CR1: variants seen among roughly 807,000 people sequenced by gnomAD.
CR1 encodes the protein complement receptor type 1.
In CR1, 116 loss-of-function variants were observed where a neutral mutation model predicts 187.3. The ratio of observed to expected loss-of-function variants is 0.62; its 90% CI spans 0.53 to 0.72. CR1 has a LOEUF of 0.72. CR1 is among the 30% of genes least tolerant of loss of function. The probability of loss-of-function intolerance (pLI) is 0.00; values close to 1 mark genes in which losing one functional copy is unlikely to be tolerated. For synonymous variants in CR1, 576 were observed against 747.1 expected (o/e 0.77, Z 3.73); for missense variants, 1,731 against 2,110.7 (o/e 0.82, Z 3.52).
chr1:207,593,986 T>C (rs1369502065), intron 35 of CR1, among the ~76,000 whole-genome samples: 1 of 152,064 alleles, frequency 6.6e-6, no homozygotes, highest in Non-Finnish European at 1.5e-5. Flanking sequence ...GAAATAGAAA[T>C]GCTTTTACAC....
chr1:207,593,457 C>T (rs1419697850), intron 35 of CR1, among the ~76,000 whole-genome samples: 4 of 152,104 alleles, frequency 2.6e-5, no homozygotes, highest in African/African-American at 9.7e-5. Context: ...CAAAAACTAA[C>T]TCAAGATGTA....
intron 1 of CR1, among the ~76,000 whole-genome samples, chr1:207,503,499 A>G (rs1479412904): frequency 6.6e-6 from 1 of 152,074 alleles, no homozygotes; most frequent in Non-Finnish European, 1.5e-5. Context: ...TGCTCTTTCC[A>G]GCTTCCAGGG....
chr1:207,599,100 G>T (rs1428600980), intron 35 of CR1: 1 of 152,210 alleles, frequency 6.6e-6, no homozygotes, highest in African/African-American at 2.4e-5. Flanking sequence ...AGGGAAATTT[G>T]TATTAGGTAA....
In CR1 at chr1:207,584,823, G is replaced by A; in HGVS notation, c.5477G>A (p.Gly1826Glu). The change falls in exon 33 of 47, where the codon GGG (glycine) becomes GAG (glutamate). Residue 1826 changes from glycine to glutamate, a missense_variant. Gly to Glu is a moderately conservative substitution (Grantham distance 98). Around this residue, in one of 5 missense-constraint regions of CR1, gnomAD observed 1,312 missense variants for 1,379.6 expected, o/e 0.95. Coordinates refer to ENST00000367049, the MANE Select transcript of CR1 (RefSeq NM_000651.6). ...ATCCGCTGCACAAGTGACCCTCATG[G>A]GAATGGGGTTTGGAGCAGCCCTGCC... ...STIRCTSDPH[G>E]NGVWSSPAPR... 1.2e-6 allele frequency: 2 copies of A among 1,613,902 alleles called. No individual in the cohort carries two copies. Among genetic ancestry groups the A allele is most frequent in the Non-Finnish European group, 1.7e-6 (2 of 1,179,862 alleles).
rs947565628 is a variant in CR1, at chr1:207,609,487, C to T, written c.6094C>T (p.Pro2032Ser). 7 of 1,613,850 alleles carry T rather than the reference C, an allele frequency of 4.3e-6. No homozygotes were observed. Among genetic ancestry groups the T allele is most frequent in the South Asian group, 2.2e-5 (2 of 91,080 alleles). The change falls in exon 37 of 47, where the codon CCC (proline) becomes TCC (serine). Residue 2032 changes from proline to serine, a missense_variant. Coordinates refer to ENST00000367049, the MANE Select transcript of CR1 (RefSeq NM_000651.6). ...DDQVGVWSSP[P>S]PRCISTNKCT... ...TCAAGTTGGTGTTTGGAGCAGCCCT[C>T]CCCCTCGGTGTATTTCTACTAATAA...
chr1:207,511,482 T>C, intron 3 of CR1, 87 bp from the exon 4 acceptor site: 1 of 1,348,526 alleles, frequency 7.4e-7, no homozygotes, highest in Non-Finnish European at 1.1e-6. Context: ...CTGAATCCTA[T>C]AAGAGTGTAA....
intron 40 of CR1, among the ~76,000 whole-genome samples, chr1:207,615,354 A>G (rs1662061652): frequency 2.6e-5 from 4 of 152,238 alleles, no homozygotes; most frequent in Admixed American, 2.6e-4. Context: ...ATTATAACAT[A>G]TAAAATGGTA....
In CR1 at chr1:207,616,749, G is replaced by A; in HGVS notation, c.6836G>A (p.Gly2279Glu). 4 of 1,613,930 alleles carry A rather than the reference G, an allele frequency of 2.5e-6. No individual in the cohort carries two copies. The highest frequency in any genetic ancestry group is 3.4e-6 in the Non-Finnish European group (4 of 1,179,872). Residue 2279 changes from glycine (G) to glutamate (E), a missense_variant, in exon 41 of 47, where the codon GGG becomes GAG. Gly to Glu is a moderately conservative substitution (Grantham distance 98, BLOSUM62 -2). This residue lies in a region of CR1 where 1,312 missense variants were observed against 1,379.6 expected (regional missense o/e 0.95). Transcript: ENST00000367049. ...SSIRCTSDPQGNGVWSSPAPR... is the reference protein window; with the variant it reads ...SSIRCTSDPQENGVWSSPAPR... ...ATCCGCTGCACAAGTGACCCTCAAG[G>A]GAATGGGGTTTGGAGCAGCCCTGCC...
rs770700783 is a variant in CR1, at chr1:207,580,413, G to T, written c.5110G>T (p.Ala1704Ser). 16 of 1,613,464 alleles carry T rather than the reference G, an allele frequency of 9.9e-6. No homozygotes were observed. Among genetic ancestry groups the T allele is most frequent in the Non-Finnish European group, 1.1e-5 (13 of 1,179,720 alleles). The change falls in exon 30 of 47, where the codon GCA (alanine) becomes TCA (serine). Residue 1704 changes from alanine (A) to serine (S), a missense_variant. Ala to Ser is a moderately conservative substitution (Grantham distance 99, BLOSUM62 1). Around this residue, in one of 5 missense-constraint regions of CR1, gnomAD observed 1,312 missense variants for 1,379.6 expected, o/e 0.95. Coordinates refer to ENST00000367049, the MANE Select transcript of CR1 (RefSeq NM_000651.6). ...GDWSPEAPRC[A>S]VKSCDDFLGQ... ...CTGGAGCCCTGAAGCCCCGAGATGTGCAGGTGCCTCAACTCTCTGGCTTCC... is the reference window on the plus strand; with the variant it reads ...CTGGAGCCCTGAAGCCCCGAGATGTTCAGGTGCCTCAACTCTCTGGCTTCC...
chr1:207,618,344 G>C (rs1372366766), intron 42 of CR1, 97 bp downstream of exon 42: 1 of 1,139,300 alleles, frequency 8.8e-7, no homozygotes, highest in Non-Finnish European at 1.2e-6. Flanking sequence ...TAATGAAAGG[G>C]ATAATATTTT....
At chr1:207,504,442 G>T (rs919875152) in intron 1 of CR1, among the ~76,000 whole-genome samples, 2 of 148,184 alleles carry the variant, frequency 1.3e-5, no homozygotes, top group African/African-American at 5.0e-5. Flanking sequence ...AATAAAAGAT[G>T]GACAACATTA....
chr1:207,581,337 TATATGTATACGTATACATGTCC>T, intron 31 of CR1, among the ~76,000 whole-genome samples: 2 of 139,820 alleles, frequency 1.4e-5, no homozygotes, highest in Middle Eastern at 7.1e-3. Context: ...TGTACATGTG[TATATGTATACGTATACATGTCC>T]ATATGTATAC....
intron 35 of CR1, among the ~76,000 whole-genome samples, chr1:207,601,654 C>G (rs909732646): frequency 1.3e-5 from 2 of 152,116 alleles, no homozygotes; most frequent in African/African-American, 4.8e-5. Flanking sequence ...TTTACATTTT[C>G]CTAATGACTA....
At chr1:207,629,123 G>A (rs1049536056) in intron 45 of CR1, among the ~76,000 whole-genome samples, 1 of 152,118 alleles carries the variant, frequency 6.6e-6, no homozygotes, top group Admixed American at 6.6e-5. Context: ...GAATAATACT[G>A]GTTAGACTTC....
At chr1:207,519,477 A>T (rs1413122045) in intron 4 of CR1, among the ~76,000 whole-genome samples, 1 of 152,132 alleles carries the variant, frequency 6.6e-6, no homozygotes, top group East Asian at 1.9e-4. Context: ...TTTTATTCTT[A>T]AATGACTACT....
At chr1:207,591,382 A>G (rs1193916769) in intron 35 of CR1, among the ~76,000 whole-genome samples, 1 of 152,228 alleles carries the variant, frequency 6.6e-6, no homozygotes, top group African/African-American at 2.4e-5. Flanking sequence ...AGCAGAAATA[A>G]GTAAGTTCTT....
intron 31 of CR1, 63 bp downstream of exon 31, chr1:207,580,676 G>C: frequency 1.4e-6 from 2 of 1,441,484 alleles, no homozygotes; most frequent in South Asian, 1.2e-5. Context: ...TGAGCTTAAG[G>C]ATCAATCCAA....
chr1:207,589,441 A>C (rs914897547), intron 35 of CR1, among the ~76,000 whole-genome samples: 2 of 152,218 alleles, frequency 1.3e-5, no homozygotes, highest in African/African-American at 4.8e-5. Flanking sequence ...GTCCACATGA[A>C]AACCCCATCC....
chr1:207,612,160 T>C (rs1036219242), intron 39 of CR1, 119 bp downstream of exon 39: 1 of 1,072,944 alleles, frequency 9.3e-7, no homozygotes, highest in Non-Finnish European at 1.4e-6. Context: ...GAGAGATTAA[T>C]TTATGGAAGG....
Sources: gnomAD v4.1 joint callset for allele counts (sites outside exome capture counted in the v4.1 genomes callset) on GRCh38, gnomAD v4.1.1 for gene constraint, gnomAD v4.1.1 regional missense constraint, MANE v1.5 for transcripts, NCBI Gene and HGNC (gene_info 2026-07-23, HGNC 2026-07-21) for gene names.